LCP2: variants seen among roughly 807,000 people sequenced by gnomAD.
The protein encoded by LCP2 is 76 kDa tyrosine phosphoprotein.
Under a neutral mutation model 74.5 loss-of-function variants are expected in LCP2, and 29 were observed. The observed-to-expected ratio is 0.39, with a 90% CI of 0.29 to 0.53. The LOEUF (loss-of-function observed/expected upper bound fraction) is 0.53, where lower values mean the gene tolerates loss of function less well. Among genes scored for constraint, LCP2 ranks in the 20% least tolerant of loss-of-function variants. The probability of loss-of-function intolerance (pLI) is 0.72; values close to 1 mark genes in which losing one functional copy is unlikely to be tolerated. For missense variants in LCP2, 604 were observed against 634.6 expected, an observed-to-expected ratio of 0.95 and a Z score of 0.52; for synonymous variants, 228 against 229.5, an observed-to-expected ratio of 0.99 and a Z score of 0.06.
intron 3 of LCP2, among the ~76,000 whole-genome samples, chr5:170,278,677 G>A (rs569027418): frequency 6.6e-6 from 1 of 152,104 alleles, no homozygotes; most frequent in African/African-American, 2.4e-5. Context: ...TCACAAGGCT[G>A]CTTTGGATCT....
Position 170,278,692 on chromosome 5 carries a change from AG to A in LCP2, c.189-2833del, listed in dbSNP as rs1489917635. Among the ~76,000 whole-genome samples the A allele has an allele frequency of 3.3e-5, 5 of 152,254 alleles. No individual in the cohort carries two copies. The East Asian group carries it at 9.7e-4, about 29-fold the overall frequency. On this transcript the variant is annotated intron_variant, in intron 3 of 20. Transcript: ENST00000046794. ...TCACAAGGCTGCTTTGGATCTTGAAAGAACCTCCTGCTCTCTGCGGTGTTGC... is the reference window on the plus strand; with the variant it reads ...TCACAAGGCTGCTTTGGATCTTGAAAAACCTCCTGCTCTCTGCGGTGTTGC...
At position 170,252,445 on chromosome 5, in the gene LCP2, T is replaced by C; in HGVS notation, c.1312A>G (p.Lys438Glu). ...CTATAGCACAATACCTGGTTTATCT[T>C]TCTAAGAGCAGCTTCTGCCTCTGGT... is the stretch of plus-strand genomic sequence containing the variant. ...TRPEAEAALR[K>E]INQDGTFLVR... Residue 438 changes from lysine to glutamate, a missense_variant, in exon 19 of 21, where the codon AAG (lysine) becomes GAG (glutamate). Physicochemically the swap from Lys to Glu is moderately conservative, Grantham distance 56. Transcript: ENST00000046794. 1 of 1,568,442 alleles carries C rather than the reference T, an allele frequency of 6.4e-7. No individual in the cohort carries two copies. Among genetic ancestry groups the C allele is most frequent in the South Asian group, 1.1e-5 (1 of 88,354 alleles).
At position 170,268,403 on chromosome 5, in the gene LCP2, T is replaced by C. The variant is rs1028498515; in HGVS notation, c.603A>G (p.Pro201=). 3 of 414,256 alleles carry C rather than the reference T, an allele frequency of 7.2e-6. No individual in the cohort carries two copies. The highest frequency in any genetic ancestry group is 9.1e-6 in the Non-Finnish European group (3 of 330,046). 25.7% of individuals were successfully genotyped at this position (414,256 alleles called of 1,614,324 possible). A position where few individuals can be genotyped will look rare whatever the true frequency, so the allele number is the denominator to read the frequency against. Residue 201 remains proline, a synonymous_variant, in exon 8 of 21, where the codon CCA becomes CCG. Transcript: ENST00000046794. ...GGCCTACCGAGTGATTCCGGCCGGC[T>C]GGTGGGGGCGGGAGGGCGGCCATCG... ...QRPMAALPPP[P]AGRNHSPLPP... is the part of the protein sequence containing the mutation.
intron 20 of LCP2, among the ~76,000 whole-genome samples, chr5:170,250,037 T>G (rs1581054744): frequency 6.6e-6 from 1 of 152,198 alleles, no homozygotes; most frequent in Admixed American, 6.5e-5. Context: ...ATAACAGAAG[T>G]ATGTGAAGCA....
intron 13 of LCP2, among the ~76,000 whole-genome samples, 155 bp from the exon 14 acceptor site, chr5:170,261,292 G>A (rs758504788): frequency 6.6e-6 from 1 of 152,132 alleles, no homozygotes; most frequent in Non-Finnish European, 1.5e-5. Flanking sequence ...GCAGGGGAGA[G>A]GGGGTGGAAG....
At chr5:170,286,216 CA>C (rs1316042608) in intron 3 of LCP2, among the ~76,000 whole-genome samples, 1 of 152,182 alleles carries the variant, frequency 6.6e-6, no homozygotes, top group Non-Finnish European at 1.5e-5. Flanking sequence ...AACTGGGGAG[CA>C]CAAATCCCAA....
intron 3 of LCP2, among the ~76,000 whole-genome samples, chr5:170,280,317 C>T (rs1381309311): frequency 6.6e-6 from 1 of 152,060 alleles, no homozygotes; most frequent in East Asian, 1.9e-4. Context: ...CCCTGGAACT[C>T]TCCTTCTCCT....
chr5:170,249,094 G>A (rs184173971), intron 20 of LCP2, among the ~76,000 whole-genome samples: 1 of 152,258 alleles, frequency 6.6e-6, no homozygotes, highest in African/African-American at 2.4e-5. Flanking sequence ...GGCTAAGGCC[G>A]GTGGATCACC....
chr5:170,274,277 A>G, intron 6 of LCP2, 24 bp downstream of exon 6: 1 of 1,611,926 alleles, frequency 6.2e-7, no homozygotes, highest in Middle Eastern at 1.7e-4. Context: ...GTAAAGGTGC[A>G]AGAACAGCCC....
chr5:170,260,543 C>A (rs1034476691), intron 14 of LCP2, among the ~76,000 whole-genome samples: 3 of 152,196 alleles, frequency 2.0e-5, no homozygotes, highest in Non-Finnish European at 4.4e-5. Flanking sequence ...TCATTATACT[C>A]ATATGTAAAG....
At chr5:170,261,067 C>T in intron 14 of LCP2, 40 bp downstream of exon 14, 3 of 1,503,620 alleles carry the variant, frequency 2.0e-6, no homozygotes, top group Non-Finnish European at 2.8e-6. Flanking sequence ...TGCTTCTTTT[C>T]CCTGTATCAA....
At chr5:170,258,278 A>G in intron 15 of LCP2, 112 bp from the exon 16 acceptor site, 1 of 1,117,150 alleles carries the variant, frequency 9.0e-7, no homozygotes, top group Non-Finnish European at 1.3e-6. Context: ...GGACACAAAA[A>G]TAAAGCAGAT....
Position 170,256,476 on chromosome 5 carries a change from T to G in LCP2, c.1150+50A>C, listed in dbSNP as rs768478021. ...CTTTTGGGACAGGTTAGGGATCCAG[T>G]CATAAAGGCTTGATGGCTGAAGCAC... On this transcript the variant is annotated intron_variant, in intron 17 of 20. Transcript: ENST00000046794. The surrounding 1 kb of genome is among the most constrained non-coding windows in gnomAD (Gnocchi z 4.5). 5 of 1,454,528 alleles carry G rather than the reference T, an allele frequency of 3.4e-6. No individual in the cohort carries two copies. In the South Asian group the frequency reaches 5.7e-5, roughly 17 times the overall value. 90.1% of individuals were successfully genotyped at this position (1,454,528 alleles called of 1,614,324 possible).
intron 14 of LCP2, among the ~76,000 whole-genome samples, chr5:170,260,563 C>T (rs550290087): frequency 1.3e-5 from 2 of 152,340 alleles, no homozygotes; most frequent in African/African-American, 4.8e-5. Context: ...GCGAGAAATA[C>T]TCAACTATCC....
intron 10 of LCP2, among the ~76,000 whole-genome samples, chr5:170,264,978 CTT>C (rs58508083): frequency 5.5e-5 from 6 of 108,996 alleles, no homozygotes; most frequent in South Asian, 2.9e-4. Context: ...CAAAATTTGC[CTT>C]TTTTTTTTTT....
chr5:170,292,487 C>T (rs1351092741), intron 2 of LCP2, among the ~76,000 whole-genome samples: 2 of 152,094 alleles, frequency 1.3e-5, no homozygotes, highest in Non-Finnish European at 2.9e-5. Context: ...ATCCAACTGG[C>T]CTGAAGTCTC....
chr5:170,273,920 C>CGGGG (rs3833445), intron 6 of LCP2: 40 of 86,072 alleles, frequency 4.6e-4, no homozygotes, highest in African/African-American at 1.3e-3. Context: ...TTTTTGGAGA[C>CGGGG]GGGGGGGTAG....
chr5:170,278,764 C>T (rs1298399292), intron 3 of LCP2, among the ~76,000 whole-genome samples: 2 of 152,024 alleles, frequency 1.3e-5, no homozygotes, highest in South Asian at 2.1e-4. Flanking sequence ...TGCCGGGGCT[C>T]GAATTGGGTG....
intron 14 of LCP2, among the ~76,000 whole-genome samples, chr5:170,259,462 A>T (rs1284175990): frequency 6.6e-6 from 1 of 152,120 alleles, no homozygotes; most frequent in African/African-American, 2.4e-5. Flanking sequence ...CTTCAGAGCA[A>T]CCTTGGGAAA....
Sources: allele counts gnomAD v4.1 joint callset (sites outside exome capture counted in the v4.1 genomes callset), GRCh38; gene constraint gnomAD v4.1.1; non-coding constraint Gnocchi (gnomAD v3.1); transcripts MANE v1.5; gene names NCBI Gene and HGNC (gene_info 2026-07-23, HGNC 2026-07-21).